Variants in PAQR5 observed in about 807,000 individuals in gnomAD.
PAQR5 encodes progestin and adipoQ receptor family member 5, also known as membrane progestin receptor gamma.
Under a neutral mutation model 34.5 loss-of-function variants are expected in PAQR5, and 20 were observed. The observed-to-expected ratio is 0.58, with a 90% CI of 0.41 to 0.84. The LOEUF (loss-of-function observed/expected upper bound fraction) is 0.84. Ranked by LOEUF, PAQR5 falls within the 40% of genes least tolerant of loss-of-function variation. The probability of loss-of-function intolerance (pLI) is 0.00; values close to 1 mark genes in which losing one functional copy is unlikely to be tolerated. For synonymous variants in PAQR5, 131 were observed against 155.6 expected (o/e 0.84, Z 1.18); for missense variants, 378 against 412.7 (o/e 0.92, Z 0.73).
At chr15:69,306,191 G>A (rs2053712097) in intron 1 of PAQR5, among the ~76,000 whole-genome samples, 1 of 152,088 alleles carries the variant, frequency 6.6e-6, no homozygotes, top group Non-Finnish European at 1.5e-5. Context: ...GTGTTGCGGG[G>A]AATTGGGGGT....
At chr15:69,369,848 AGTCTC>A (rs1458454867) in intron 3 of PAQR5, among the ~76,000 whole-genome samples, 4 of 151,966 alleles carry the variant, frequency 2.6e-5, no homozygotes, top group Admixed American at 6.6e-5. Flanking sequence ...TTATTGGCAA[AGTCTC>A]GTATTAGATT....
chr15:69,315,554 A>G (rs2053927183), intron 1 of PAQR5, among the ~76,000 whole-genome samples: 1 of 151,978 alleles, frequency 6.6e-6, no homozygotes, highest in Non-Finnish European at 1.5e-5. Context: ...ACCCAGCCTT[A>G]CCTTCTTACC....
chr15:69,300,948 C>CT (rs1491107748), intron 1 of PAQR5, among the ~76,000 whole-genome samples: 1 of 3,642 alleles, frequency 2.7e-4, no homozygotes, highest in African/African-American at 4.5e-4. Context: ...TCTTTCTTTC[C>CT]TTCTTTCTTT....
chr15:69,309,905 A>G (rs1338275434), intron 1 of PAQR5, among the ~76,000 whole-genome samples: 1 of 152,078 alleles, frequency 6.6e-6, no homozygotes, highest in Non-Finnish European at 1.5e-5. Context: ...AAAATTAGCC[A>G]GGCATGATGG....
chr15:69,363,877 A>G (rs1351984868), intron 3 of PAQR5, among the ~76,000 whole-genome samples: 1 of 152,088 alleles, frequency 6.6e-6, no homozygotes, highest in East Asian at 1.9e-4. Flanking sequence ...TTAAATAACT[A>G]CAGCCTTGAC....
chr15:69,311,424 C>T (rs974624277), intron 1 of PAQR5, among the ~76,000 whole-genome samples: 3 of 152,134 alleles, frequency 2.0e-5, no homozygotes, highest in Non-Finnish European at 4.4e-5. Flanking sequence ...GGTGTTCTGA[C>T]GTTTGCTTAG....
At chr15:69,299,928 T>C (rs12593391) in intron 1 of PAQR5, among the ~76,000 whole-genome samples, 73,189 of 151,942 alleles carry the variant, frequency 0.48, 20,110 homozygotes, top group Middle Eastern at 0.62. Flanking sequence ...CTGATTTCAT[T>C]TGAACCTAAC....
Position 69,334,250 on chromosome 15 carries a change from G to C in PAQR5, c.-276-3091G>C, listed in dbSNP as rs183632573. 1.2e-4 allele frequency among the ~76,000 whole-genome samples: 18 copies of C among 152,178 alleles called. No individual in the cohort carries two copies. In the East Asian group the frequency reaches 3.3e-3, roughly 28 times the overall value. On this transcript the variant is annotated intron_variant, in intron 1 of 8. Transcript: ENST00000395407. ...TCACCATGTTAGCCAGGATGGTCTC[G>C]AGCTCTTGACCTCGTGATCCACCCA...
Position 69,373,751 on chromosome 15 carries a change from G to A in PAQR5, c.52-6132G>A, listed in dbSNP as rs959959087. Among the ~76,000 whole-genome samples, 15 of 152,008 alleles carry A rather than the reference G, an allele frequency of 9.9e-5. 1 individual carries two copies. Among genetic ancestry groups the A allele is most frequent in the African/African-American group, 1.9e-4 (8 of 41,408 alleles). On this transcript the variant is annotated intron_variant, in intron 3 of 8. Transcript: ENST00000395407. ...CCAGAGTAGCTGGGACTACAGGCAC[G>A]CTCTATCATGTCCCACTAATTTTTG...
chr15:69,349,696 C>T (rs1281237190), intron 2 of PAQR5, among the ~76,000 whole-genome samples: 2 of 151,352 alleles, frequency 1.3e-5, no homozygotes, highest in East Asian at 2.0e-4. Context: ...GGCTGGAGTG[C>T]AATCGCATGG....
chr15:69,378,157 G>A (rs1308774628), intron 3 of PAQR5, among the ~76,000 whole-genome samples: 4 of 150,784 alleles, frequency 2.7e-5, no homozygotes, highest in Non-Finnish European at 5.9e-5. Flanking sequence ...CCCGCTACCC[G>A]AGGGGGCTGA....
intron 2 of PAQR5, among the ~76,000 whole-genome samples, chr15:69,342,801 G>A (rs1367049429): frequency 6.6e-6 from 1 of 152,182 alleles, no homozygotes; most frequent in Non-Finnish European, 1.5e-5. Flanking sequence ...CCCAGAGCCT[G>A]CCTAAACTCA....
intron 2 of PAQR5, among the ~76,000 whole-genome samples, chr15:69,340,216 C>T (rs1009377084): frequency 6.6e-6 from 1 of 151,956 alleles, no homozygotes; most frequent in African/African-American, 2.4e-5. Flanking sequence ...TTTTAGTAAG[C>T]AATACCTTTT....
At chr15:69,398,002 G>A (rs1330245121) in intron 7 of PAQR5, among the ~76,000 whole-genome samples, 4 of 152,152 alleles carry the variant, frequency 2.6e-5, no homozygotes, top group Non-Finnish European at 5.9e-5. Flanking sequence ...GCAGGAGAGC[G>A]AGCTCTGCAG....
intron 3 of PAQR5, among the ~76,000 whole-genome samples, chr15:69,375,118 G>A (rs370288955): frequency 7.2e-5 from 11 of 152,172 alleles, no homozygotes; most frequent in African/African-American, 2.4e-4. Flanking sequence ...CAGACTGAGT[G>A]GTCTAAACAA....
chr15:69,310,438 T>C (rs1457070925), intron 1 of PAQR5, among the ~76,000 whole-genome samples: 2 of 152,198 alleles, frequency 1.3e-5, no homozygotes, highest in Non-Finnish European at 2.9e-5. Context: ...TTTGCCAATC[T>C]GGAAGACAAA....
At chr15:69,349,651 T>A (rs1293236903) in intron 2 of PAQR5, among the ~76,000 whole-genome samples, 2 of 151,782 alleles carry the variant, frequency 1.3e-5, no homozygotes, top group Admixed American at 6.6e-5. Context: ...TTTTTTTTTT[T>A]ATTTTTTGAG....
At chr15:69,307,799 C>T (rs1028137187) in intron 1 of PAQR5, among the ~76,000 whole-genome samples, 7 of 152,086 alleles carry the variant, frequency 4.6e-5, no homozygotes, top group African/African-American at 7.2e-5. Flanking sequence ...CTGTGGCTGT[C>T]GGTGGGGTGG....
chr15:69,368,862 C>T (rs2055476903), intron 3 of PAQR5, among the ~76,000 whole-genome samples: 1 of 151,938 alleles, frequency 6.6e-6, no homozygotes, highest in South Asian at 2.1e-4. Flanking sequence ...AACTCTTGGG[C>T]TCAAGTGATG....
Sources: gnomAD v4.1 joint callset for allele counts (sites outside exome capture counted in the v4.1 genomes callset) on GRCh38, gnomAD v4.1.1 for gene constraint, MANE v1.5 for transcripts, NCBI Gene and HGNC (gene_info 2026-07-23, HGNC 2026-07-21) for gene names.